The following RPS6KB1 variants were observed in gnomAD, a reference collection of about 807,000 sequenced individuals.
RPS6KB1 encodes ribosomal protein S6 kinase B1.
RPS6KB1 carries 12 observed loss-of-function variants against 70.2 expected under a neutral mutation model. That is an observed-to-expected ratio of 0.17 (90% CI 0.11 to 0.28). RPS6KB1 has a LOEUF of 0.28. RPS6KB1 is among the 10% of genes least tolerant of loss of function. RPS6KB1 has a pLI of 1.00. For synonymous variants in RPS6KB1, 175 were observed against 211.2 expected, an observed-to-expected ratio of 0.83 and a Z score of 1.49; for missense variants, 270 against 646.6, an observed-to-expected ratio of 0.42 and a Z score of 6.32.
chr17:59,939,744 A>G (rs1015768446), intron 12 of RPS6KB1, among the ~76,000 whole-genome samples: 2 of 152,230 alleles, frequency 1.3e-5, no homozygotes. Flanking sequence ...CTTATCTTGT[A>G]CATTTTCCCC....
In RPS6KB1 at chr17:59,947,662, C is replaced by T. The variant is rs563890999; in HGVS notation, c.*874C>T. 5.1e-5 allele frequency: 50 copies of T among 984,782 alleles called. No individual in the cohort carries two copies. The highest frequency in any genetic ancestry group is 6.1e-5 in the Non-Finnish European group (39 of 634,942). The allele number at this position is 984,782 out of a possible 1,614,324, so 61.0% of individuals were successfully genotyped here. A position where few individuals can be genotyped will look rare whatever the true frequency, so the allele number is the denominator to read the frequency against. On this transcript the variant is annotated 3_prime_UTR_variant, in exon 15 of 15. Transcript: ENST00000225577. ...TATGTCCTACATTTCATCATTGTCC[C>T]GGGCCTGCATTGCACTGGAAAAAAA...
chr17:59,932,550 CTTTT>C (rs11390348), intron 7 of RPS6KB1, among the ~76,000 whole-genome samples: 2 of 130,266 alleles, frequency 1.5e-5, no homozygotes, highest in East Asian at 2.2e-4. Flanking sequence ...CATCAGGTTA[CTTTT>C]TTTTTTTTTT....
chr17:59,896,891 C>T (rs918713176), intron 1 of RPS6KB1, among the ~76,000 whole-genome samples: 23 of 149,694 alleles, frequency 1.5e-4, no homozygotes, highest in African/African-American at 4.9e-4. Context: ...CAAGGAGATT[C>T]GGTGACATCC....
intron 13 of RPS6KB1, chr17:59,945,138 G>GTT: frequency 1.6e-5 from 4 of 257,678 alleles, no homozygotes; most frequent in Non-Finnish European, 2.2e-5. Flanking sequence ...GAATTTTCCT[G>GTT]TTTTTTTTTC....
intron 4 of RPS6KB1, among the ~76,000 whole-genome samples, chr17:59,915,775 C>CTTT (rs71370143): frequency 0.11 from 8,715 of 76,818 alleles, 1,341 homozygotes; most frequent in African/African-American, 0.25. Context: ...CTACTGCTAT[C>CTTT]TTTTTTTTTT....
intron 1 of RPS6KB1, among the ~76,000 whole-genome samples, chr17:59,904,995 G>A (rs937311744): frequency 3.3e-5 from 5 of 151,756 alleles, no homozygotes; most frequent in Non-Finnish European, 7.4e-5. Flanking sequence ...GCGCCTGGCT[G>A]CATTCCTTGC....
At chr17:59,938,345 A>G (rs945996958) in intron 12 of RPS6KB1, among the ~76,000 whole-genome samples, 1 of 150,850 alleles carries the variant, frequency 6.6e-6, no homozygotes, top group African/African-American at 2.4e-5. Context: ...TTTTTTCTAG[A>G]GATGAGGTCT....
chr17:59,928,596 C>T (rs1258873478), intron 5 of RPS6KB1, among the ~76,000 whole-genome samples: 1 of 152,084 alleles, frequency 6.6e-6, no homozygotes, highest in African/African-American at 2.4e-5. Flanking sequence ...GTGATCCGCC[C>T]ACCTTGGCCT....
At chr17:59,914,614 A>G in intron 3 of RPS6KB1, 21 bp from the exon 4 acceptor site, 4 of 1,601,424 alleles carry the variant, frequency 2.5e-6, no homozygotes, top group Non-Finnish European at 3.4e-6. Context: ...TTTGAATAAC[A>G]CACACTTTTT....
chr17:59,929,524 CT>C (rs1357344913), intron 5 of RPS6KB1, among the ~76,000 whole-genome samples: 1 of 152,206 alleles, frequency 6.6e-6, no homozygotes, highest in Non-Finnish European at 1.5e-5. Flanking sequence ...TAATAAAGAA[CT>C]TTCTCTTCTT....
intron 7 of RPS6KB1, among the ~76,000 whole-genome samples, chr17:59,933,421 C>T (rs552333413): frequency 6.6e-6 from 1 of 152,224 alleles, no homozygotes; most frequent in Admixed American, 6.5e-5. Context: ...AAAGGCCATA[C>T]TTCTTCTGTA....
At chr17:59,897,923 C>A (rs1375362636) in intron 1 of RPS6KB1, among the ~76,000 whole-genome samples, 1 of 150,924 alleles carries the variant, frequency 6.6e-6, no homozygotes, top group East Asian at 1.9e-4. Context: ...CAAGATCATA[C>A]CACTGCACTC....
At chr17:59,906,776 G>A (rs902623412) in intron 1 of RPS6KB1, among the ~76,000 whole-genome samples, 7 of 151,896 alleles carry the variant, frequency 4.6e-5, no homozygotes, top group South Asian at 2.1e-4. Flanking sequence ...TCACCGCAAC[G>A]TCTGCCTTAC....
chr17:59,931,786 G>C (rs940267817), intron 7 of RPS6KB1, 64 bp downstream of exon 7: 42 of 1,174,784 alleles, frequency 3.6e-5, no homozygotes, highest in Non-Finnish European at 4.9e-5. Context: ...CACATAGGTC[G>C]TGGCCATTTT....
At chr17:59,900,217 C>CACACACACACACACAA (rs2041840493) in intron 1 of RPS6KB1, among the ~76,000 whole-genome samples, 1 of 136,446 alleles carries the variant, frequency 7.3e-6, no homozygotes, top group Non-Finnish European at 1.5e-5. Flanking sequence ...CACACACACA[C>CACACACACACACACAA]ACACACACAC....
In RPS6KB1 at chr17:59,945,450, A is replaced by G; in HGVS notation, c.1272A>G (p.Glu424=). ...VAPSVLESVK[E]KFSFEPKIRS... is the part of the protein sequence containing the mutation. Reference sequence around the variant, plus strand: ...CATCTGTACTTGAAAGTGTGAAAGAAAAGTTTTCCTTTGAACCAAAAATCC... The same window carrying G: ...CATCTGTACTTGAAAGTGTGAAAGAGAAGTTTTCCTTTGAACCAAAAATCC... Residue 424 remains glutamate, a synonymous_variant, in exon 14 of 15, where the codon GAA becomes GAG. Transcript: ENST00000225577. 1 of 1,612,916 alleles carries G rather than the reference A, an allele frequency of 6.2e-7. No homozygotes were observed. Among genetic ancestry groups the G allele is most frequent in the Non-Finnish European group, 8.5e-7 (1 of 1,178,960 alleles).
In RPS6KB1 at chr17:59,948,424, T is replaced by C. The variant is rs2045047118; in HGVS notation, c.*1636T>C. On this transcript the variant is annotated 3_prime_UTR_variant, in exon 15 of 15. Transcript: ENST00000225577. ...TTTTTTAAATAGATGCTGCTTGCTA[T>C]GTTTTCAAACCTTTTTGAGCCATAG... is the stretch of plus-strand genomic sequence containing the variant. 1 of 152,622 alleles carries C rather than the reference T, an allele frequency of 6.6e-6. No homozygotes were observed. The highest frequency in any genetic ancestry group is 6.5e-5 in the Admixed American group (1 of 15,276). The allele number at this position is 152,622 out of a possible 1,614,324, so 9.5% of individuals were successfully genotyped here.
chr17:59,946,315 CT>C lies in RPS6KB1; in HGVS notation c.1341-235del, dbSNP rs978088835. ...AATACGCATTTAAATGTATATATAT[CT>C]CATTGAGGGTTTTGGGGGTCAGGTG... On this transcript the variant is annotated intron_variant, in intron 14 of 14. Coordinates refer to ENST00000225577, the MANE Select transcript of RPS6KB1 (RefSeq NM_003161.4). This position sits in a 1 kb window ranked among gnomAD's most constrained non-coding sequence, Gnocchi z 4.2. 2.5e-4 allele frequency among the ~76,000 whole-genome samples: 38 copies of C among 152,066 alleles called. No individual in the cohort carries two copies. The highest frequency in any genetic ancestry group is 9.2e-4 in the African/African-American group (38 of 41,440).
intron 9 of RPS6KB1, 110 bp from the exon 10 acceptor site, chr17:59,935,083 C>T (rs897604618): frequency 1.6e-6 from 1 of 635,822 alleles, no homozygotes; most frequent in African/African-American, 1.9e-5. Context: ...CATTTCTGAT[C>T]TCCATGTATA....
Sources: allele counts gnomAD v4.1 joint callset (sites outside exome capture counted in the v4.1 genomes callset), GRCh38; gene constraint gnomAD v4.1.1; non-coding constraint Gnocchi (gnomAD v3.1); transcripts MANE v1.5; gene names NCBI Gene and HGNC (gene_info 2026-07-23, HGNC 2026-07-21).